Variants in NAA35 observed in about 807,000 individuals in gnomAD.
NAA35 encodes the protein MAK10 homolog, amino-acid N-acetyltransferase subunit.
In NAA35, 18 loss-of-function variants were observed where a neutral mutation model predicts 101.7. The observed-to-expected ratio is 0.18, with a 90% confidence interval of 0.12 to 0.26. The LOEUF is 0.26. Ranked by LOEUF, NAA35 falls within the 10% of genes least tolerant of loss-of-function variation. The probability of loss-of-function intolerance (pLI) is 1.00; values close to 1 mark genes in which losing one functional copy is unlikely to be tolerated. For synonymous variants in NAA35, 267 were observed against 273.1 expected (o/e 0.98, Z 0.22); for missense variants, 601 against 886.8 (o/e 0.68, Z 4.09).
intron 1 of NAA35, chr9:85,941,810 G>C (rs1380704010): frequency 9.8e-7 from 1 of 1,018,642 alleles, no homozygotes; most frequent in Non-Finnish European, 1.2e-6. Flanking sequence ...CCTGAATAGT[G>C]CCTTGGTCTT....
At chr9:85,978,179 T>G in intron 10 of NAA35, 88 bp from the exon 11 acceptor site, 1 of 803,736 alleles carries the variant, frequency 1.2e-6, no homozygotes, top group Non-Finnish European at 2.1e-6. Flanking sequence ...AGCATTTAAT[T>G]TCATTATTGT....
chr9:86,019,011 G>A (rs755648604), intron 21 of NAA35, among the ~76,000 whole-genome samples, 190 bp downstream of exon 21: 1 of 152,176 alleles, frequency 6.6e-6, no homozygotes, highest in Non-Finnish European at 1.5e-5. Flanking sequence ...TTTTAAGAAT[G>A]AGGTGATATA....
rs1424231841 is a variant in NAA35 at position 85,998,015 on chromosome 9, C to T, written c.1056+1438C>T. Among the ~76,000 whole-genome samples the T allele has an allele frequency of 5.3e-5, 8 of 151,964 alleles. No individual in the cohort carries two copies. In the South Asian group the frequency reaches 8.3e-4, roughly 16 times the overall value. ...CTGCAAGCTCCACCTCCCAGGTTCA[C>T]GCCATTCTCCTGCCTCAGCCTCCCG... On this transcript the variant is annotated intron_variant, in intron 12 of 22. Coordinates refer to ENST00000361671, the MANE Select transcript of NAA35 (RefSeq NM_024635.4).
At chr9:86,001,962 C>G (rs1281310655) in intron 12 of NAA35, among the ~76,000 whole-genome samples, 1 of 152,032 alleles carries the variant, frequency 6.6e-6, no homozygotes, top group African/African-American at 2.4e-5. Flanking sequence ...TATAGTGACA[C>G]TAGTCTGTGT....
chr9:86,014,511 ATT>A (rs1390383269), intron 17 of NAA35: 1 of 223,410 alleles, frequency 4.5e-6, no homozygotes, highest in African/African-American at 2.3e-5. Flanking sequence ...GAATTCAGTT[ATT>A]TTGAATTTTT....
rs1488372685 is a variant in NAA35, at chr9:85,941,232, C to G, written c.-47C>G. 3 of 986,440 alleles carry G rather than the reference C, an allele frequency of 3.0e-6. No individual in the cohort carries two copies. The highest frequency in any genetic ancestry group is 3.6e-6 in the Non-Finnish European group (3 of 830,746). 61.1% of individuals were successfully genotyped at this position (986,440 alleles called of 1,614,324 possible). A position where few individuals can be genotyped will look rare whatever the true frequency, so the allele number is the denominator to read the frequency against. ...GAGGCGGCGTCGTTATTTCCGTGGT[C>G]CGGACAGTGCGTGGCGGCGCGGGTG... On this transcript the variant is annotated 5_prime_UTR_variant, in exon 1 of 23. Transcript: ENST00000361671.
chr9:85,955,835 T>G (rs76462823), intron 2 of NAA35, among the ~76,000 whole-genome samples: 5,487 of 152,296 alleles, frequency 0.036, 149 homozygotes, highest in Non-Finnish European at 0.051. Flanking sequence ...TTGACCCTAA[T>G]ATGCAGCCAA....
chr9:85,990,993 C>T (rs947162819), intron 11 of NAA35, among the ~76,000 whole-genome samples: 6 of 152,136 alleles, frequency 3.9e-5, no homozygotes, highest in Admixed American at 3.3e-4. Flanking sequence ...CACTGTGAAT[C>T]GGTAGCCTAA....
intron 6 of NAA35, among the ~76,000 whole-genome samples, chr9:85,963,103 A>G (rs1288799901): frequency 6.6e-6 from 1 of 152,064 alleles, no homozygotes; most frequent in Non-Finnish European, 1.5e-5. Flanking sequence ...TTCTGTTGAA[A>G]CTGATATTTC....
chr9:85,948,850 C>A (rs184050070), intron 2 of NAA35, among the ~76,000 whole-genome samples: 1 of 152,124 alleles, frequency 6.6e-6, no homozygotes, highest in Admixed American at 6.5e-5. Context: ...CTCCATCTCC[C>A]GGGTTCAGGC....
intron 13 of NAA35, 116 bp from the exon 14 acceptor site, chr9:86,007,242 A>T (rs1030092919): frequency 3.0e-6 from 2 of 670,404 alleles, no homozygotes; most frequent in African/African-American, 3.6e-5. Context: ...AAATTTTCAC[A>T]AACTTTTTAT....
Position 86,018,383 on chromosome 9 carries a change from C to T in NAA35, c.1902C>T (p.Tyr634=). 1 of 1,612,482 alleles carries T rather than the reference C, an allele frequency of 6.2e-7. No individual in the cohort carries two copies. The highest frequency in any genetic ancestry group is 8.5e-7 in the Non-Finnish European group (1 of 1,178,822). Residue 634 remains tyrosine (Y), a synonymous_variant, in exon 20 of 23, where the codon TAC becomes TAT. Transcript: ENST00000361671. ...TGATGACCCCGCCGCCAGTGCACTA[C>T]TTACAGTTCAAGGTGAACCTGCTCA... The part of the protein sequence containing the change: ...NSVMTPPPVH[Y]LQFKEMSDLN...
chr9:85,977,450 A>G lies in NAA35; in HGVS notation c.762+4A>G. ...TATAGCCTTTACTAAGAAAGAGGTAAGGGCATTCAATATAATATGTCTATT... is the reference window on the plus strand; with the variant it reads ...TATAGCCTTTACTAAGAAAGAGGTAGGGGCATTCAATATAATATGTCTATT... On this transcript the variant is annotated splice_donor_region_variant and intron_variant, in intron 10 of 22. Coordinates refer to ENST00000361671, the MANE Select transcript of NAA35 (RefSeq NM_024635.4). 6 of 1,589,532 alleles carry G rather than the reference A, an allele frequency of 3.8e-6. No homozygotes were observed. Among genetic ancestry groups the G allele is most frequent in the Non-Finnish European group, 4.3e-6 (5 of 1,158,866 alleles).
At chr9:86,014,714 T>C (rs1427075607) in intron 17 of NAA35, among the ~76,000 whole-genome samples, 1 of 152,220 alleles carries the variant, frequency 6.6e-6, no homozygotes, top group Non-Finnish European at 1.5e-5. Context: ...ATGCTGTTGA[T>C]GTAGATTTTG....
intron 2 of NAA35, among the ~76,000 whole-genome samples, chr9:85,945,388 G>A (rs1360435861): frequency 1.3e-5 from 2 of 152,166 alleles, no homozygotes; most frequent in Non-Finnish European, 2.9e-5. Context: ...AATCAGATTT[G>A]TAGTCTTGAT....
intron 2 of NAA35, among the ~76,000 whole-genome samples, chr9:85,953,968 A>T (rs1309550010): frequency 3.3e-5 from 5 of 152,204 alleles, no homozygotes; most frequent in Admixed American, 3.3e-4. Flanking sequence ...TTTGATTGTG[A>T]ATAATGCTAC....
At chr9:85,953,305 C>T in intron 2 of NAA35, among the ~76,000 whole-genome samples, 1 of 150,946 alleles carries the variant, frequency 6.6e-6, no homozygotes, top group East Asian at 2.0e-4. Flanking sequence ...GTCTTGCAAG[C>T]ATCACCACCA....
rs543428769 is a variant in NAA35 at position 85,951,663 on chromosome 9, A to T, written c.125-4697A>T. 4.6e-5 allele frequency among the ~76,000 whole-genome samples: 7 copies of T among 150,796 alleles called. No individual in the cohort carries two copies. The South Asian group carries it at 1.5e-3, about 32-fold the overall frequency. On this transcript the variant is annotated intron_variant, in intron 2 of 22. Transcript: ENST00000361671. Reference sequence around the variant, plus strand: ...AATAAGTTATGCAGATCTTCCAAAAATTTTTTTTTTGAGGCATAGTCTTGC... The same window carrying T: ...AATAAGTTATGCAGATCTTCCAAAATTTTTTTTTTTGAGGCATAGTCTTGC...
At chr9:86,007,099 A>C (rs1246365618) in intron 13 of NAA35, among the ~76,000 whole-genome samples, 1 of 152,140 alleles carries the variant, frequency 6.6e-6, no homozygotes, top group Non-Finnish European at 1.5e-5. Flanking sequence ...CAGATTAGTC[A>C]GTTTATTTTG....
Sources: allele counts gnomAD v4.1 joint callset (sites outside exome capture counted in the v4.1 genomes callset), GRCh38; gene constraint gnomAD v4.1.1; transcripts MANE v1.5; gene names NCBI Gene and HGNC (gene_info 2026-07-23, HGNC 2026-07-21).